PCDHA11: variants seen among roughly 807,000 people sequenced by gnomAD.
PCDHA11 encodes protocadherin alpha 11, also known as protocadherin alpha-11.
In PCDHA11, 61 loss-of-function variants were observed where a neutral mutation model predicts 70.3. The ratio of observed to expected loss-of-function variants is 0.87; its 90% CI spans 0.71 to 1.07. PCDHA11 has a LOEUF of 1.07. PCDHA11 is among the 50% of genes least tolerant of loss of function. PCDHA11 has a pLI of 0.00. For synonymous variants in PCDHA11, 633 were observed against 555.1 expected, an observed-to-expected ratio of 1.14 and a Z score of -1.97; for missense variants, 1,324 against 1,237.5, an observed-to-expected ratio of 1.07 and a Z score of -1.05.
At position 140,942,948 on chromosome 5, in the gene PCDHA11, C is replaced by T. The variant is rs534534050; in HGVS notation, c.2392-36001C>T. 1.4e-4 allele frequency among the ~76,000 whole-genome samples: 22 copies of T among 151,804 alleles called. No individual in the cohort carries two copies. The South Asian group carries it at 4.0e-3, about 27-fold the overall frequency. On this transcript the variant is annotated intron_variant, in intron 1 of 3. Transcript: ENST00000398640. ...ATTGAAAAAGAGTTTAAAGTGTAGA[C>T]GTTCTGTTATCAGAATTAAATTTTG... is the stretch of plus-strand genomic sequence containing the variant.
At chr5:140,897,874 T>C (rs541496059) in intron 1 of PCDHA11, among the ~76,000 whole-genome samples, 2,161 of 152,206 alleles carry the variant, frequency 0.014, 44 homozygotes, top group African/African-American at 0.049. Context: ...TTTTAATGAT[T>C]GCCATTCTAA....
intron 1 of PCDHA11, chr5:140,883,623 C>A: frequency 6.2e-7 from 1 of 1,613,988 alleles, no homozygotes; most frequent in Non-Finnish European, 8.5e-7. Context: ...AACGACAACG[C>A]GCCGGCGTTC....
intron 1 of PCDHA11, chr5:140,966,378 G>A: frequency 2.5e-6 from 1 of 405,124 alleles, no homozygotes; most frequent in African/African-American, 2.1e-5. Flanking sequence ...AGCAGTCCGG[G>A]TTCGCTGTCC....
rs139719896 is a variant in PCDHA11 at position 140,870,270 on chromosome 5, G to C, written c.1167G>C (p.Thr389=). The C allele has an allele frequency of 0.022, 34,719 of 1,614,158 alleles. 446 individuals are homozygous for C. Among genetic ancestry groups the C allele is most frequent in the African/African-American group, 0.029 (2,173 of 75,038 alleles). ...ACGGACAGGTGACCTGCTCGCTGACGCCCCACGTTCCCTTCAAGCTGGTGT... is the reference window on the plus strand; with the variant it reads ...ACGGACAGGTGACCTGCTCGCTGACCCCCCACGTTCCCTTCAAGCTGGTGT... ...GVNGQVTCSL[T]PHVPFKLVST... The change falls in exon 1 of 4, where the codon ACG becomes ACC. Residue 389 remains threonine (T), a synonymous_variant. Coordinates refer to ENST00000398640, the MANE Select transcript of PCDHA11 (RefSeq NM_018902.5).
chr5:140,902,381 A>G (rs2153476778), intron 1 of PCDHA11, among the ~76,000 whole-genome samples: 1 of 152,036 alleles, frequency 6.6e-6, no homozygotes, highest in South Asian at 2.1e-4. Flanking sequence ...TGCTCTAGCT[A>G]AGAGTACTAT....
At chr5:140,968,228 C>T in intron 1 of PCDHA11, 1 of 1,614,010 alleles carries the variant, frequency 6.2e-7, no homozygotes, top group East Asian at 2.2e-5. Flanking sequence ...AGGTGTGTTG[C>T]TCTGTACTGT....
In PCDHA11 at chr5:140,935,762, C is replaced by T. The variant is rs187194530; in HGVS notation, c.2392-43187C>T. Among the ~76,000 whole-genome samples the T allele has an allele frequency of 2.5e-3, 386 of 152,162 alleles. 3 individuals are homozygous for T. The highest frequency in any genetic ancestry group is 0.018 in the South Asian group (87 of 4,822). On this transcript the variant is annotated intron_variant, in intron 1 of 3. Transcript: ENST00000398640. ...TTATTCCATACAATACACATTCTTC[C>T]CCACTTTGAGTTTTTTCACTTAAAA... is the stretch of plus-strand genomic sequence containing the variant.
At chr5:140,957,799 TA>T (rs1430681763) in intron 1 of PCDHA11, among the ~76,000 whole-genome samples, 2 of 152,032 alleles carry the variant, frequency 1.3e-5, no homozygotes, top group African/African-American at 2.4e-5. Context: ...ATATGTTAAG[TA>T]AAAAAAAGTC....
intron 1 of PCDHA11, among the ~76,000 whole-genome samples, chr5:140,885,621 T>G (rs528108703): frequency 1.3e-5 from 2 of 152,188 alleles, no homozygotes; most frequent in Non-Finnish European, 2.9e-5. Context: ...ATAAAATATG[T>G]CACTGGATTG....
At chr5:140,916,363 T>C (rs2077541371) in intron 1 of PCDHA11, among the ~76,000 whole-genome samples, 2 of 152,124 alleles carry the variant, frequency 1.3e-5, no homozygotes, top group African/African-American at 4.8e-5. Context: ...GAAGGAGTCT[T>C]TCACTGTAGC....
chr5:140,921,581 T>C (rs1199851100), intron 1 of PCDHA11, among the ~76,000 whole-genome samples: 1 of 152,210 alleles, frequency 6.6e-6, no homozygotes, highest in Non-Finnish European at 1.5e-5. Flanking sequence ...GAGCTCATAC[T>C]ATATTATGGT....
chr5:140,931,649 G>A (rs2087653878), intron 1 of PCDHA11, among the ~76,000 whole-genome samples: 1 of 151,904 alleles, frequency 6.6e-6, no homozygotes, highest in African/African-American at 2.4e-5. Context: ...GCTAATAATT[G>A]TTGTGGGCTG....
chr5:140,957,968 T>C (rs1276763203), intron 1 of PCDHA11, among the ~76,000 whole-genome samples: 1 of 152,154 alleles, frequency 6.6e-6, no homozygotes, highest in Non-Finnish European at 1.5e-5. Flanking sequence ...TCAGAGATGC[T>C]GTATAAATAG....
At chr5:140,986,458 A>G (rs1199378141) in intron 3 of PCDHA11, among the ~76,000 whole-genome samples, 1 of 152,166 alleles carries the variant, frequency 6.6e-6, no homozygotes, top group Admixed American at 6.5e-5. Flanking sequence ...GTTTTAATGA[A>G]TGCCCTCTTG....
chr5:140,927,042 G>T (rs548394870), intron 1 of PCDHA11: 7 of 1,612,270 alleles, frequency 4.3e-6, no homozygotes, highest in Non-Finnish European at 4.2e-6. Context: ...CGGCCGCTAT[G>T]TCCTCGCGGA....
At position 141,010,334 on chromosome 5, in the gene PCDHA11, T is replaced by C; in HGVS notation, c.*397T>C. On this transcript the variant is annotated 3_prime_UTR_variant, in exon 4 of 4. Transcript: ENST00000398640. The stretch of plus-strand genomic sequence containing the variant: ...TGAGATTGAGCAGCTTGGGAGTTTG[T>C]GGCCACTGGGTATGTGTGGCTACCG... The C allele has an allele frequency of 2.0e-6, 3 of 1,537,004 alleles. No homozygotes were observed. The East Asian group carries it at 7.4e-5, about 38-fold the overall frequency.
At chr5:140,876,876 C>T (rs1439703522) in intron 1 of PCDHA11, 1 of 1,614,012 alleles carries the variant, frequency 6.2e-7, no homozygotes, top group Non-Finnish European at 8.5e-7. Context: ...AGGAGAACAA[C>T]CCGCCGGGCT....
intron 1 of PCDHA11, among the ~76,000 whole-genome samples, chr5:140,944,313 G>A (rs2093639720): frequency 6.6e-6 from 1 of 152,066 alleles, no homozygotes; most frequent in Non-Finnish European, 1.5e-5. Context: ...TCAGCCTCCT[G>A]AGTAGCTGGG....
intron 1 of PCDHA11, among the ~76,000 whole-genome samples, chr5:140,965,863 A>T (rs1275095146): frequency 6.6e-6 from 1 of 152,218 alleles, no homozygotes; most frequent in Non-Finnish European, 1.5e-5. Flanking sequence ...ACTGAAAATA[A>T]GGGCCACTTG....
Sources: allele counts gnomAD v4.1 joint callset (sites outside exome capture counted in the v4.1 genomes callset), GRCh38; gene constraint gnomAD v4.1.1; transcripts MANE v1.5; gene names NCBI Gene and HGNC (gene_info 2026-07-23, HGNC 2026-07-21).